The following CSMD1 variants were observed in gnomAD, a reference collection of about 807,000 sequenced individuals.
The protein encoded by CSMD1 is CUB and sushi domain-containing protein 1.
CSMD1 carries 213 observed loss-of-function variants against 417.5 expected under a neutral mutation model. The ratio of observed to expected loss-of-function variants is 0.51; its 90% confidence interval spans 0.46 to 0.57. The LOEUF (loss-of-function observed/expected upper bound fraction) is 0.57. Among genes scored for constraint, CSMD1 ranks in the 20% least tolerant of loss-of-function variants. The probability of loss-of-function intolerance (pLI) is 0.00; values close to 1 mark genes in which losing one functional copy is unlikely to be tolerated. For synonymous variants in CSMD1, 2,862 were observed against 1,736.8 expected, an observed-to-expected ratio of 1.65 and a Z score of -16.11; for missense variants, 6,923 against 4,529.7, an observed-to-expected ratio of 1.53 and a Z score of -15.17.
intron 1 of CSMD1, among the ~76,000 whole-genome samples, chr8:4,811,293 T>G (rs748272647): frequency 1.3e-5 from 2 of 152,186 alleles, no homozygotes. Context: ...ATGTCAAACC[T>G]AGTATTAATT....
chr8:3,678,787 G>A (rs1414207876), intron 7 of CSMD1, among the ~76,000 whole-genome samples: 1 of 152,142 alleles, frequency 6.6e-6, no homozygotes, highest in East Asian at 1.9e-4. Context: ...CAGCCAGAGA[G>A]AAAGGTCGGG....
At chr8:4,368,225 C>T (rs933992529) in intron 3 of CSMD1, among the ~76,000 whole-genome samples, 1 of 152,092 alleles carries the variant, frequency 6.6e-6, no homozygotes, top group Non-Finnish European at 1.5e-5. Flanking sequence ...TTATCAGAGG[C>T]ATTTTCTGTG....
intron 12 of CSMD1, among the ~76,000 whole-genome samples, chr8:3,420,219 C>T (rs759730625): frequency 9.9e-5 from 15 of 152,048 alleles, no homozygotes; most frequent in Admixed American, 2.6e-4. Flanking sequence ...TCCTGGAAAA[C>T]GTATAACCCC....
At chr8:3,011,159 T>A (rs891841663) in intron 52 of CSMD1, among the ~76,000 whole-genome samples, 1 of 152,202 alleles carries the variant, frequency 6.6e-6, no homozygotes, top group African/African-American at 2.4e-5. Flanking sequence ...AAGAAAAATA[T>A]CATTAAATAC....
intron 38 of CSMD1, among the ~76,000 whole-genome samples, chr8:3,158,410 G>T (rs1311185274): frequency 6.6e-6 from 1 of 152,030 alleles, no homozygotes; most frequent in African/African-American, 2.4e-5. Context: ...TAGCTTCGGT[G>T]GTTGTCTGTG....
At chr8:4,566,483 C>A (rs1483043303) in intron 2 of CSMD1, among the ~76,000 whole-genome samples, 1 of 151,124 alleles carries the variant, frequency 6.6e-6, no homozygotes, top group African/African-American at 2.4e-5. Context: ...GAAACCCCGT[C>A]TCTACTAAAA....
intron 5 of CSMD1, among the ~76,000 whole-genome samples, chr8:3,830,271 T>G (rs1369851418): frequency 6.6e-6 from 1 of 152,188 alleles, no homozygotes; most frequent in Non-Finnish European, 1.5e-5. Context: ...GCACAGTTAG[T>G]CACATTACAG....
rs117294533 is a variant in CSMD1, at chr8:3,480,137, T to A, written c.1449-11313A>T. ...ACTTTGGGAGGCCTAGGTGGATGGA[T>A]TGCCTGAGCTCAGGAGTTCAAGACC... is the stretch of plus-strand genomic sequence containing the variant. On this transcript the variant is annotated intron_variant, in intron 11 of 69. Transcript: ENST00000635120. Among the ~76,000 whole-genome samples the A allele has an allele frequency of 5.3e-5, 8 of 152,028 alleles. No homozygotes were observed. The East Asian group carries it at 1.6e-3, about 30-fold the overall frequency.
At chr8:4,465,915 A>G (rs1443673650) in intron 2 of CSMD1, among the ~76,000 whole-genome samples, 1 of 152,182 alleles carries the variant, frequency 6.6e-6, no homozygotes, top group Non-Finnish European at 1.5e-5. Context: ...TCACAGCCAT[A>G]GAAGAAGGAA....
intron 3 of CSMD1, among the ~76,000 whole-genome samples, chr8:4,194,811 G>C (rs1584999741): frequency 1.3e-5 from 2 of 151,558 alleles, no homozygotes; most frequent in Non-Finnish European, 2.9e-5. Flanking sequence ...GTCACTATGA[G>C]TTCTGCAAAG....
At chr8:3,391,756 A>G (rs1305930985) in intron 17 of CSMD1, among the ~76,000 whole-genome samples, 1 of 152,210 alleles carries the variant, frequency 6.6e-6, no homozygotes, top group Non-Finnish European at 1.5e-5. Context: ...GTCAGCCTCG[A>G]GTACCTGTGG....
At chr8:4,095,324 G>A (rs1361269219) in intron 3 of CSMD1, among the ~76,000 whole-genome samples, 1 of 152,058 alleles carries the variant, frequency 6.6e-6, no homozygotes, top group Non-Finnish European at 1.5e-5. Flanking sequence ...TATAACATTT[G>A]CCACATTAGC....
intron 5 of CSMD1, among the ~76,000 whole-genome samples, chr8:3,945,859 A>G (rs775400828): frequency 4.6e-5 from 7 of 152,104 alleles, no homozygotes; most frequent in Non-Finnish European, 1.0e-4. Context: ...GTAGTGAATC[A>G]TTATTCCAGA....
intron 9 of CSMD1, among the ~76,000 whole-genome samples, chr8:3,584,233 G>T (rs1430639002): frequency 1.2e-4 from 18 of 152,146 alleles, no homozygotes; most frequent in Non-Finnish European, 2.6e-4. Flanking sequence ...AAGAACAGAA[G>T]ATTGACAAAG....
In CSMD1 at chr8:4,872,188, T is replaced by C. The variant is rs561018405; in HGVS notation, c.85+122144A>G. Among the ~76,000 whole-genome samples the C allele has an allele frequency of 1.4e-3, 217 of 152,258 alleles. 2 individuals carry two copies. Among genetic ancestry groups the C allele is most frequent in the African/African-American group, 4.8e-3 (201 of 41,516 alleles). On this transcript the variant is annotated intron_variant, in intron 1 of 69. Transcript: ENST00000635120. ...AACTAAGGCACTCTGTGTTAGCCTG[T>C]GTGACTCAAGTAAGGCATAGAGGCC... is the stretch of plus-strand genomic sequence containing the variant.
At chr8:3,840,735 G>A (rs1052372224) in intron 5 of CSMD1, among the ~76,000 whole-genome samples, 6 of 144,774 alleles carry the variant, frequency 4.1e-5, no homozygotes, top group South Asian at 2.2e-4. Context: ...TGGCTCTGTC[G>A]TGTAGGCTGG....
At chr8:3,710,822 T>C (rs574321789) in intron 6 of CSMD1, among the ~76,000 whole-genome samples, 31 of 152,288 alleles carry the variant, frequency 2.0e-4, no homozygotes, top group Non-Finnish European at 4.0e-4. Context: ...GGGAAGACTA[T>C]GCAGAATTTG....
At position 4,653,711 on chromosome 8, in the gene CSMD1, G is replaced by A. The variant is rs372251087; in HGVS notation, c.86-16153C>T. ...GAAAATAAGCATAACACAAATGGCA[G>A]AAAAGGAAATGTTGGAGGAAAATTG... On this transcript the variant is annotated intron_variant, in intron 1 of 69. Coordinates refer to ENST00000635120, the MANE Select transcript of CSMD1 (RefSeq NM_033225.6). Among the ~76,000 whole-genome samples the A allele has an allele frequency of 1.4e-4, 21 of 152,204 alleles. 1 individual carries two copies. Among genetic ancestry groups the A allele is most frequent in the African/African-American group, 4.8e-4 (20 of 41,476 alleles).
intron 1 of CSMD1, among the ~76,000 whole-genome samples, chr8:4,658,729 T>A (rs1804392102): frequency 6.6e-6 from 1 of 152,170 alleles, no homozygotes; most frequent in South Asian, 2.1e-4. Context: ...ATTCTTATAC[T>A]TTCGGTTTCT....
Sources: allele counts gnomAD v4.1 joint callset (sites outside exome capture counted in the v4.1 genomes callset), GRCh38; gene constraint gnomAD v4.1.1; transcripts MANE v1.5; gene names NCBI Gene and HGNC (gene_info 2026-07-23, HGNC 2026-07-21).